The following KIAA0513 variants were observed in gnomAD, a reference collection of about 807,000 sequenced individuals.
KIAA0513 encodes the protein KIAA0513.
Under a neutral mutation model 56.5 loss-of-function variants are expected in KIAA0513, and 39 were observed. The ratio of observed to expected loss-of-function variants is 0.69; its 90% CI spans 0.53 to 0.90. The LOEUF is 0.90. KIAA0513 is among the 40% of genes least tolerant of loss of function. KIAA0513 has a pLI of 0.00. For missense variants in KIAA0513, 591 were observed against 535.2 expected (o/e 1.10, Z -1.03); for synonymous variants, 268 against 215.6 (o/e 1.24, Z -2.13).
intron 2 of KIAA0513, among the ~76,000 whole-genome samples, chr16:85,068,209 T>C (rs1199792469): frequency 3.9e-5 from 6 of 151,922 alleles, no homozygotes; most frequent in Admixed American, 2.6e-4. Flanking sequence ...CAGGCTGGAG[T>C]GCAGTGGTGC....
At chr16:85,072,326 A>T (rs1003455141) in intron 3 of KIAA0513, among the ~76,000 whole-genome samples, 1 of 152,226 alleles carries the variant, frequency 6.6e-6, no homozygotes, top group African/African-American at 2.4e-5. Flanking sequence ...AAAGGCAAGC[A>T]TGTGAATTAT....
In KIAA0513 at chr16:85,094,024, T is replaced by C. The variant is rs1344950357; in HGVS notation, c.*5699T>C. On this transcript the variant is annotated 3_prime_UTR_variant, in exon 13 of 13. Transcript: ENST00000683363. ...CCCAAGTGGCGTGCAGTGACACCAG[T>C]ATCTTCTCTGTTGCATTTTTGCAAT... 1 of 152,186 alleles carries C rather than the reference T, an allele frequency of 6.6e-6. No homozygotes were observed. The allele number at this position is 152,186 out of a possible 1,614,324, so 9.4% of individuals were successfully genotyped here. A position where few individuals can be genotyped will look rare whatever the true frequency, so the allele number is the denominator to read the frequency against.
In KIAA0513 at chr16:85,088,447, C is replaced by G. The variant is rs553682356; in HGVS notation, c.*122C>G. ...CCAGCAGCACCCAGAGCCACTCCTGCTGCCCTAGAACTAGCGGTTAGAAGA... is the reference window on the plus strand; with the variant it reads ...CCAGCAGCACCCAGAGCCACTCCTGGTGCCCTAGAACTAGCGGTTAGAAGA... On this transcript the variant is annotated 3_prime_UTR_variant, in exon 13 of 13. Transcript: ENST00000683363. 1.3e-6 allele frequency: 1 copy of G among 779,380 alleles called. No individual in the cohort carries two copies. Among genetic ancestry groups the G allele is most frequent in the Non-Finnish European group, 2.2e-6 (1 of 460,106 alleles). The allele number at this position is 779,380 out of a possible 1,614,324, so 48.3% of individuals were successfully genotyped here.
At chr16:85,059,074 A>C (rs754848327) in intron 1 of KIAA0513, among the ~76,000 whole-genome samples, 3 of 152,218 alleles carry the variant, frequency 2.0e-5, no homozygotes, top group Non-Finnish European at 4.4e-5. Context: ...CTAAAAGGAC[A>C]TTGAAATTTC....
At chr16:85,082,664 G>A (rs1474861452) in intron 10 of KIAA0513, 71 bp downstream of exon 10, 15 of 1,492,872 alleles carry the variant, frequency 1.0e-5, no homozygotes, top group Admixed American at 1.7e-5. Flanking sequence ...CAGGGTGGGG[G>A]CTGTGCACTG....
intron 10 of KIAA0513, among the ~76,000 whole-genome samples, chr16:85,083,312 G>C (rs920283334): frequency 1.3e-5 from 2 of 152,076 alleles, no homozygotes; most frequent in African/African-American, 4.8e-5. Flanking sequence ...TCTTTAAATA[G>C]AGTCCCTGAG....
At chr16:85,028,011 G>A (rs974762060) in intron 1 of KIAA0513, among the ~76,000 whole-genome samples, 153 bp downstream of exon 1, 2 of 152,018 alleles carry the variant, frequency 1.3e-5, no homozygotes, top group African/African-American at 4.8e-5. Context: ...GGGGTCCGCG[G>A]GGCGAGCGGG....
intron 5 of KIAA0513, 86 bp downstream of exon 5, chr16:85,076,000 A>G: frequency 9.3e-7 from 1 of 1,075,392 alleles, no homozygotes; most frequent in Non-Finnish European, 1.4e-6. Context: ...TTCATGATAA[A>G]AAGCAAAAGC....
chr16:85,060,567 G>A (rs973557245), intron 1 of KIAA0513, among the ~76,000 whole-genome samples: 8 of 152,184 alleles, frequency 5.3e-5, no homozygotes, highest in Admixed American at 3.3e-4. Flanking sequence ...GGCCAGGCAC[G>A]GCGGCTCACG....
intron 1 of KIAA0513, among the ~76,000 whole-genome samples, chr16:85,061,077 C>T (rs1239417555): frequency 2.6e-5 from 4 of 151,340 alleles, no homozygotes; most frequent in South Asian, 2.1e-4. Context: ...TGCTTGAACC[C>T]GGGAGGCGGA....
intron 8 of KIAA0513, 127 bp downstream of exon 8, chr16:85,079,130 A>C: frequency 6.6e-7 from 1 of 1,522,686 alleles, no homozygotes; most frequent in South Asian, 1.2e-5. Context: ...CCAGAGTGGC[A>C]GAATAAAAAG....
intron 1 of KIAA0513, among the ~76,000 whole-genome samples, chr16:85,062,920 A>C (rs1427442906): frequency 6.6e-6 from 1 of 152,168 alleles, no homozygotes; most frequent in Non-Finnish European, 1.5e-5. Context: ...TCTTAGAGGA[A>C]GAGGGTGGGG....
intron 1 of KIAA0513, among the ~76,000 whole-genome samples, chr16:85,053,628 C>G (rs1331939982): frequency 6.6e-6 from 1 of 152,098 alleles, no homozygotes; most frequent in African/African-American, 2.4e-5. Flanking sequence ...TTATACATTA[C>G]TAAGAAAGAT....
intron 8 of KIAA0513, chr16:85,079,351 T>C (rs1318059952): frequency 7.6e-6 from 2 of 262,418 alleles, no homozygotes; most frequent in Admixed American, 9.5e-5. Flanking sequence ...CAAATGTCTG[T>C]AGCAACGTCG....
intron 2 of KIAA0513, among the ~76,000 whole-genome samples, chr16:85,069,525 C>T (rs2073541319): frequency 6.6e-6 from 1 of 152,052 alleles, no homozygotes; most frequent in Non-Finnish European, 1.5e-5. Context: ...AAGTGGGAAT[C>T]TGTGCATCAG....
At chr16:85,071,665 G>C in intron 2 of KIAA0513, 118 bp from the exon 3 acceptor site, 1 of 784,862 alleles carries the variant, frequency 1.3e-6, no homozygotes. Flanking sequence ...GGGAGTTGGG[G>C]TCTGTGCTTG....
At position 85,066,939 on chromosome 16, in the gene KIAA0513, C is replaced by G; in HGVS notation, c.-133C>G. On this transcript the variant is annotated 5_prime_UTR_variant, in exon 2 of 13. Coordinates refer to ENST00000683363, the MANE Select transcript of KIAA0513 (RefSeq NM_001388359.1). ...GGTGAGCTGCTGTGAAGGACTCATT[C>G]TTGGTAGCCGGCAGTTACTGGCAAC... is the stretch of plus-strand genomic sequence containing the variant. The G allele has an allele frequency of 1.5e-6, 1 of 676,620 alleles. No homozygotes were observed. The highest frequency in any genetic ancestry group is 2.4e-6 in the Non-Finnish European group (1 of 410,430). 41.9% of individuals were successfully genotyped at this position (676,620 alleles called of 1,614,324 possible).
At chr16:85,056,472 C>T (rs77507034) in intron 1 of KIAA0513, among the ~76,000 whole-genome samples, 2,769 of 152,290 alleles carry the variant, frequency 0.018, 78 homozygotes, top group African/African-American at 0.062. Flanking sequence ...GCCCACCCCA[C>T]GGGAAATGCC....
Position 85,081,964 on chromosome 16 carries a change from G to A in KIAA0513, c.980+572G>A, listed in dbSNP as rs983743604. ...AAAGCTGCCGTCCACCATGTGCAGC[G>A]ACATGACAGCGAGGGACGGCAGCCC... On this transcript the variant is annotated intron_variant, in intron 9 of 12. Coordinates refer to ENST00000683363, the MANE Select transcript of KIAA0513 (RefSeq NM_001388359.1). This position sits in a 1 kb window ranked among gnomAD's most constrained non-coding sequence, Gnocchi z 4.4. Among the ~76,000 whole-genome samples, 3 of 152,206 alleles carry A rather than the reference G, an allele frequency of 2.0e-5. No individual in the cohort carries two copies. The highest frequency in any genetic ancestry group is 4.4e-5 in the Non-Finnish European group (3 of 68,028).
Sources: allele counts gnomAD v4.1 joint callset (sites outside exome capture counted in the v4.1 genomes callset), GRCh38; gene constraint gnomAD v4.1.1; non-coding constraint Gnocchi (gnomAD v3.1); transcripts MANE v1.5; gene names NCBI Gene and HGNC (gene_info 2026-07-23, HGNC 2026-07-21).